Variants in KAZN observed in about 807,000 individuals in gnomAD.
KAZN encodes the protein kazrin, periplakin interacting protein.
A neutral mutation model predicts 87.4 loss-of-function variants in KAZN; 40 were observed. The observed-to-expected ratio is 0.46, with a 90% CI of 0.36 to 0.60. KAZN has a LOEUF of 0.60. Ranked by LOEUF, KAZN falls within the 20% of genes least tolerant of loss-of-function variation. The pLI, the probability that KAZN is intolerant of heterozygous loss-of-function variation, is 0.00. For missense variants in KAZN, 898 were observed against 1,073.9 expected, an observed-to-expected ratio of 0.84 and a Z score of 2.29; for synonymous variants, 466 against 458.3, an observed-to-expected ratio of 1.02 and a Z score of -0.22.
At chr1:14,919,478 G>T (rs907614890) in intron 1 of KAZN, among the ~76,000 whole-genome samples, 1 of 152,142 alleles carries the variant, frequency 6.6e-6, no homozygotes, top group African/African-American at 2.4e-5. Flanking sequence ...CGCCCCTCCC[G>T]AGGCACTTTT....
intron 1 of KAZN, among the ~76,000 whole-genome samples, chr1:14,858,214 CT>C (rs71000342): frequency 0.3 from 35,409 of 116,136 alleles, 3,503 homozygotes; most frequent in East Asian, 0.4. Context: ...TTTTTCTTTT[CT>C]TTTTTTTTTT....
chr1:14,874,511 TGG>T (rs1652535892), intron 1 of KAZN, among the ~76,000 whole-genome samples: 1 of 151,398 alleles, frequency 6.6e-6, no homozygotes, highest in African/African-American at 2.4e-5. Context: ...GATGGATGGA[TGG>T]ATGGATGGAC....
chr1:14,118,571 C>T (rs1011051060), intron 1 of KAZN, among the ~76,000 whole-genome samples: 8 of 152,324 alleles, frequency 5.3e-5, no homozygotes, highest in African/African-American at 1.9e-4. Flanking sequence ...GCAATGGAAA[C>T]CATGTAATGG....
intron 1 of KAZN, among the ~76,000 whole-genome samples, chr1:13,943,606 A>G (rs1641022548): frequency 6.6e-6 from 1 of 152,134 alleles, no homozygotes; most frequent in Non-Finnish European, 1.5e-5. Context: ...GGGAGTTTTC[A>G]GGTAGAAGAA....
At chr1:14,250,019 A>G (rs1293524794) in intron 2 of KAZN, among the ~76,000 whole-genome samples, 2 of 152,216 alleles carry the variant, frequency 1.3e-5, no homozygotes, top group African/African-American at 4.8e-5. Flanking sequence ...TTATGCCTTC[A>G]GTACAGGTTC....
At chr1:14,227,643 A>G (rs1647410615) in intron 2 of KAZN, among the ~76,000 whole-genome samples, 1 of 152,170 alleles carries the variant, frequency 6.6e-6, no homozygotes. Context: ...AAGCAGTCAC[A>G]TGGGGCAGGA....
chr1:14,659,540 G>GT (rs1042836591), intron 1 of KAZN, among the ~76,000 whole-genome samples: 8 of 152,150 alleles, frequency 5.3e-5, no homozygotes, highest in Admixed American at 2.0e-4. Context: ...TTTATGTTGT[G>GT]TTTTTTATAA....
chr1:14,323,460 C>T (rs1488124182), intron 2 of KAZN, among the ~76,000 whole-genome samples: 2 of 152,092 alleles, frequency 1.3e-5, no homozygotes, highest in African/African-American at 4.8e-5. Context: ...TTAGGCATGA[C>T]AGTAAGCTCA....
intron 2 of KAZN, among the ~76,000 whole-genome samples, chr1:14,312,787 GA>G: frequency 6.6e-6 from 1 of 152,160 alleles, no homozygotes; most frequent in African/African-American, 2.4e-5. Context: ...TGCCACATTG[GA>G]GAGGCCCACG....
intron 1 of KAZN, among the ~76,000 whole-genome samples, chr1:14,628,751 A>C (rs1405969812): frequency 6.6e-6 from 1 of 152,170 alleles, no homozygotes; most frequent in African/African-American, 2.4e-5. Flanking sequence ...GGACGGAGAC[A>C]TTCATGTCAG....
intron 1 of KAZN, among the ~76,000 whole-genome samples, chr1:14,617,687 T>C (rs892448253): frequency 6.6e-6 from 1 of 152,216 alleles, no homozygotes; most frequent in African/African-American, 2.4e-5. Context: ...GAACTGTGTA[T>C]TCAAGCTGTC....
chr1:15,033,830 C>T (rs147379717), intron 2 of KAZN, among the ~76,000 whole-genome samples: 1 of 152,222 alleles, frequency 6.6e-6, no homozygotes, highest in African/African-American at 2.4e-5. Flanking sequence ...CCTCTACCTC[C>T]TAGGTTCAAG....
rs1398215354 is a variant in KAZN, at chr1:15,094,950, G to C, written c.1547+17G>C. ...AGGCCGCAGGTGAGCCCACCACGAG[G>C]GGCCCCGGGGGAGGAGAGAAAAAGT... is the stretch of plus-strand genomic sequence containing the variant. On this transcript the variant is annotated intron_variant, in intron 10 of 14. Coordinates refer to ENST00000376030, the MANE Select transcript of KAZN (RefSeq NM_201628.3). The surrounding 1 kb of genome is among the most constrained non-coding windows in gnomAD (Gnocchi z 4.5). 1 of 1,527,794 alleles carries C rather than the reference G, an allele frequency of 6.5e-7. No homozygotes were observed. Among genetic ancestry groups the C allele is most frequent in the African/African-American group, 1.4e-5 (1 of 72,568 alleles). 94.6% of individuals were successfully genotyped at this position (1,527,794 alleles called of 1,614,324 possible).
chr1:14,609,637 C>T (rs1238616768), intron 1 of KAZN, among the ~76,000 whole-genome samples: 3 of 152,204 alleles, frequency 2.0e-5, no homozygotes, highest in African/African-American at 7.2e-5. Context: ...TGCATTTATT[C>T]ACTCTTCCTC....
chr1:14,128,876 A>G (rs970783764), intron 1 of KAZN, among the ~76,000 whole-genome samples: 2 of 152,148 alleles, frequency 1.3e-5, no homozygotes, highest in East Asian at 1.9e-4. Context: ...CCTTCAACCC[A>G]TCTGATCATT....
intron 1 of KAZN, among the ~76,000 whole-genome samples, chr1:14,868,066 G>GCAGGCATTT (rs1557571766): frequency 6.7e-6 from 1 of 149,670 alleles, no homozygotes. Flanking sequence ...GCACAGCATT[G>GCAGGCATTT]CATACACAGG....
At chr1:15,048,685 GTCCTGGGTCGTTGA>G (rs1258777065) in intron 4 of KAZN, among the ~76,000 whole-genome samples, 1 of 143,900 alleles carries the variant, frequency 6.9e-6, no homozygotes, top group Non-Finnish European at 1.5e-5. Context: ...TGGGTCGTTG[GTCCTGGGTCGTTGA>G]TCCTTGGTCG....
intron 1 of KAZN, among the ~76,000 whole-genome samples, chr1:14,759,621 G>C (rs896624163): frequency 3.3e-4 from 50 of 152,228 alleles, no homozygotes; most frequent in African/African-American, 1.2e-3. Context: ...ATTATTTCAT[G>C]CCATAGGAAG....
At chr1:14,372,313 AC>A (rs1401595975) in intron 2 of KAZN, among the ~76,000 whole-genome samples, 1 of 152,220 alleles carries the variant, frequency 6.6e-6, no homozygotes, top group Non-Finnish European at 1.5e-5. Flanking sequence ...AAGAATGCTG[AC>A]TTGTGTTAAG....
Sources: gnomAD v4.1 joint callset for allele counts (sites outside exome capture counted in the v4.1 genomes callset) on GRCh38, gnomAD v4.1.1 for gene constraint, Gnocchi (gnomAD v3.1) non-coding constraint, MANE v1.5 for transcripts, NCBI Gene and HGNC (gene_info 2026-07-23, HGNC 2026-07-21) for gene names.